BRINP2: variants seen among roughly 807,000 people sequenced by gnomAD.
BRINP2 encodes BMP/retinoic acid-inducible neural-specific protein 2.
A neutral mutation model predicts 69.2 loss-of-function variants in BRINP2; 21 were observed. That is an observed-to-expected ratio of 0.30 (90% CI 0.22 to 0.44). The LOEUF is 0.44. Among genes scored for constraint, BRINP2 ranks in the 20% least tolerant of loss-of-function variants. BRINP2 has a pLI of 1.00. For missense variants in BRINP2, 877 were observed against 986.0 expected (o/e 0.89, Z 1.48); for synonymous variants, 380 against 394.1 (o/e 0.96, Z 0.42).
chr1:177,217,549 G>A (rs936819554), intron 1 of BRINP2, among the ~76,000 whole-genome samples: 1 of 151,984 alleles, frequency 6.6e-6, no homozygotes, highest in East Asian at 1.9e-4. Context: ...TTCTTTTGGA[G>A]GTGTTATGAG....
intron 2 of BRINP2, among the ~76,000 whole-genome samples, chr1:177,254,055 T>C (rs112134971): frequency 6.6e-6 from 1 of 152,168 alleles, no homozygotes; most frequent in East Asian, 1.9e-4. Context: ...TTAATGGATA[T>C]GATTCTTTAA....
rs562154664 is a variant in BRINP2, at chr1:177,222,835, C to T, written c.-76-6966C>T. Among the ~76,000 whole-genome samples, 72 of 152,178 alleles carry T rather than the reference C, an allele frequency of 4.7e-4. 1 individual carries two copies. The highest frequency in any genetic ancestry group is 1.6e-3 in the African/African-American group (66 of 41,530). On this transcript the variant is annotated intron_variant, in intron 1 of 7. Transcript: ENST00000361539. ...CAAAACCACTCCACTTTGGAACAGC[C>T]GATCAGGGGAGCTCAGTGACTGGAA...
At chr1:177,251,713 G>T (rs1650588380) in intron 2 of BRINP2, among the ~76,000 whole-genome samples, 1 of 152,102 alleles carries the variant, frequency 6.6e-6, no homozygotes. Context: ...AAGGAAACTA[G>T]AGGATACTAG....
At chr1:177,233,927 A>C (rs1649938205) in intron 2 of BRINP2, among the ~76,000 whole-genome samples, 1 of 152,220 alleles carries the variant, frequency 6.6e-6, no homozygotes, top group African/African-American at 2.4e-5. Context: ...ACTCTGGTTA[A>C]GCCCTCCTAG....
At chr1:177,183,500 G>A (rs920310274) in intron 1 of BRINP2, among the ~76,000 whole-genome samples, 1 of 152,152 alleles carries the variant, frequency 6.6e-6, no homozygotes, top group East Asian at 1.9e-4. Context: ...TCTGCCCCAC[G>A]TAGGAGAGGA....
At chr1:177,276,692 A>C (rs1027391250) in intron 6 of BRINP2, among the ~76,000 whole-genome samples, 1 of 152,246 alleles carries the variant, frequency 6.6e-6, no homozygotes, top group Non-Finnish European at 1.5e-5. Context: ...AACATAATTA[A>C]GGGCACAGAC....
rs781027249 is a variant in BRINP2, at chr1:177,281,486, G to A, written c.2310G>A (p.Leu770=). The change falls in exon 8 of 8, where the codon CTG becomes CTA. Residue 770 remains leucine, a synonymous_variant. Coordinates refer to ENST00000361539, the MANE Select transcript of BRINP2 (RefSeq NM_021165.4). ...QSSLRAFNSK[L]PNPVEYETGK... is the part of the protein sequence containing the mutation. Reference sequence around the variant, plus strand: ...CCCTGAGGGCTTTCAATTCTAAGCTGCCAAACCCTGTGGAATATGAGACCG... The same window carrying A: ...CCCTGAGGGCTTTCAATTCTAAGCTACCAAACCCTGTGGAATATGAGACCG... 2 of 1,611,672 alleles carry A rather than the reference G, an allele frequency of 1.2e-6. No individual in the cohort carries two copies. The highest frequency in any genetic ancestry group is 3.3e-5 in the Admixed American group (2 of 59,984).
In BRINP2 at chr1:177,257,156, A is replaced by T. The variant is rs199881736; in HGVS notation, c.461-20A>T. 11 of 1,612,734 alleles carry T rather than the reference A, an allele frequency of 6.8e-6. No homozygotes were observed. The East Asian group carries it at 2.5e-4, about 36-fold the overall frequency. On this transcript the variant is annotated intron_variant, in intron 3 of 7. Transcript: ENST00000361539. The stretch of plus-strand genomic sequence containing the variant: ...CGAGAGCAGAGAGCGTCACCAATAC[A>T]CTCGTGTTGTTCACCATAGGAGAAG...
intron 1 of BRINP2, among the ~76,000 whole-genome samples, chr1:177,204,023 T>C (rs1277129802): frequency 6.6e-6 from 1 of 152,170 alleles, no homozygotes; most frequent in Non-Finnish European, 1.5e-5. Flanking sequence ...GCAAGTGCCC[T>C]GTGGTTGAAG....
chr1:177,236,535 G>C (rs1355179241), intron 2 of BRINP2, among the ~76,000 whole-genome samples: 2 of 152,214 alleles, frequency 1.3e-5, no homozygotes, highest in African/African-American at 2.4e-5. Context: ...TATTGCACTA[G>C]ATTCTGATAA....
chr1:177,204,590 A>G (rs1649017992), intron 1 of BRINP2, among the ~76,000 whole-genome samples: 1 of 152,152 alleles, frequency 6.6e-6, no homozygotes, highest in South Asian at 2.1e-4. Context: ...TGGTAACACC[A>G]ATGCCCGGCT....
At chr1:177,261,295 G>A (rs1029379652) in intron 4 of BRINP2, among the ~76,000 whole-genome samples, 1 of 152,182 alleles carries the variant, frequency 6.6e-6, no homozygotes, top group African/African-American at 2.4e-5. Flanking sequence ...CAGTGCAGTG[G>A]CTATTGCAGT....
intron 4 of BRINP2, among the ~76,000 whole-genome samples, chr1:177,257,847 G>A (rs991741537): frequency 3.3e-5 from 5 of 152,132 alleles, no homozygotes; most frequent in South Asian, 2.1e-4. Flanking sequence ...AGAAGTGAGC[G>A]GAAAGTGTTC....
At chr1:177,187,728 G>C in intron 1 of BRINP2, among the ~76,000 whole-genome samples, 1 of 152,188 alleles carries the variant, frequency 6.6e-6, no homozygotes, top group East Asian at 1.9e-4. Context: ...CTTATTTAAT[G>C]ATATAGCAAG....
intron 4 of BRINP2, among the ~76,000 whole-genome samples, chr1:177,261,422 G>A (rs1571939137): frequency 6.6e-6 from 1 of 152,282 alleles, no homozygotes; most frequent in East Asian, 1.9e-4. Flanking sequence ...ACAATAGATT[G>A]GAAGAAAGGA....
chr1:177,240,035 G>A (rs991389806), intron 2 of BRINP2, among the ~76,000 whole-genome samples: 2 of 152,204 alleles, frequency 1.3e-5, no homozygotes, highest in East Asian at 1.9e-4. Context: ...TGGCTGGGCA[G>A]GAGGCCTGAT....
intron 2 of BRINP2, among the ~76,000 whole-genome samples, chr1:177,235,802 T>G (rs1650003310): frequency 6.6e-6 from 1 of 152,142 alleles, no homozygotes; most frequent in African/African-American, 2.4e-5. Flanking sequence ...AGAGAAAGGC[T>G]ACATTATCAC....
chr1:177,203,882 G>A (rs971174293), intron 1 of BRINP2, among the ~76,000 whole-genome samples: 2 of 152,144 alleles, frequency 1.3e-5, no homozygotes, highest in African/African-American at 4.8e-5. Context: ...TGTTTCAAGA[G>A]GCTATAATCA....
At position 177,206,387 on chromosome 1, in the gene BRINP2, T is replaced by G. The variant is rs115655588; in HGVS notation, c.-76-23414T>G. Reference sequence around the variant, plus strand: ...TACACATTTGTTACATAGTAATAGATTGTTAGTATATTCTTTAGAAACAAA... The same window carrying G: ...TACACATTTGTTACATAGTAATAGAGTGTTAGTATATTCTTTAGAAACAAA... On this transcript the variant is annotated intron_variant, in intron 1 of 7. Transcript: ENST00000361539. Among the ~76,000 whole-genome samples, 1,007 of 152,338 alleles carry G rather than the reference T, an allele frequency of 6.6e-3. 13 individuals carry two copies. The highest frequency in any genetic ancestry group is 0.023 in the African/African-American group (956 of 41,578).
Sources: allele counts gnomAD v4.1 joint callset (sites outside exome capture counted in the v4.1 genomes callset), GRCh38; gene constraint gnomAD v4.1.1; transcripts MANE v1.5; gene names NCBI Gene and HGNC (gene_info 2026-07-23, HGNC 2026-07-21).